Variants in CDKAL1 observed in about 807,000 individuals in gnomAD.
CDKAL1 encodes CDKAL1 threonylcarbamoyladenosine tRNA methylthiotransferase.
Under a neutral mutation model 68.2 loss-of-function variants are expected in CDKAL1, and 32 were observed. The observed-to-expected ratio is 0.47, with a 90% confidence interval of 0.35 to 0.63. The LOEUF is 0.63. CDKAL1 is among the 30% of genes least tolerant of loss of function. The pLI, the probability that CDKAL1 is intolerant of heterozygous loss-of-function variation, is 0.00. For missense variants in CDKAL1, 606 were observed against 696.7 expected (o/e 0.87, Z 1.47); for synonymous variants, 234 against 244.3 (o/e 0.96, Z 0.39).
chr6:21,201,671 T>A (rs1778696865), intron 15 of CDKAL1, among the ~76,000 whole-genome samples: 3 of 152,238 alleles, frequency 2.0e-5, no homozygotes, highest in Non-Finnish European at 4.4e-5. Context: ...AACCTACAGC[T>A]GAACAGGCAC....
chr6:20,842,691 C>T (rs1332185824), intron 8 of CDKAL1, among the ~76,000 whole-genome samples: 1 of 152,150 alleles, frequency 6.6e-6, no homozygotes, highest in East Asian at 1.9e-4. Context: ...ATTAGCCAGG[C>T]GTAGTGGCAG....
At chr6:21,136,529 A>G (rs1775606846) in intron 13 of CDKAL1, among the ~76,000 whole-genome samples, 1 of 152,244 alleles carries the variant, frequency 6.6e-6, no homozygotes. Flanking sequence ...GTTTAACTGA[A>G]GGTCATTTGA....
At chr6:20,665,895 G>T (rs1178168328) in intron 5 of CDKAL1, among the ~76,000 whole-genome samples, 1 of 152,048 alleles carries the variant, frequency 6.6e-6, no homozygotes, top group Non-Finnish European at 1.5e-5. Context: ...GCATAGATCT[G>T]TGTAGCGGAA....
At chr6:21,007,970 C>T (rs980946447) in intron 11 of CDKAL1, among the ~76,000 whole-genome samples, 1 of 152,178 alleles carries the variant, frequency 6.6e-6, no homozygotes, top group South Asian at 2.1e-4. Context: ...AAGAAATTTA[C>T]AATGTACACT....
rs574324468 is a variant in CDKAL1 at position 20,900,896 on chromosome 6, C to T, written c.743-54523C>T. Among the ~76,000 whole-genome samples the T allele has an allele frequency of 3.3e-4, 50 of 152,212 alleles. No homozygotes were observed. In the South Asian group the frequency reaches 8.3e-3, roughly 25 times the overall value. ...AAATTTGTGTCCTGAGAGTTAAATA[C>T]TAAAATGAAAAATCATTATCCTTTA... On this transcript the variant is annotated intron_variant, in intron 9 of 15. Transcript: ENST00000274695.
chr6:20,911,824 A>G (rs1043669889), intron 9 of CDKAL1, among the ~76,000 whole-genome samples: 2 of 152,218 alleles, frequency 1.3e-5, no homozygotes, highest in South Asian at 2.1e-4. Flanking sequence ...TGATATTTCT[A>G]TTCCAGCATT....
chr6:21,089,286 G>A (rs74481402), intron 12 of CDKAL1, among the ~76,000 whole-genome samples: 1 of 151,960 alleles, frequency 6.6e-6, no homozygotes, highest in Non-Finnish European at 1.5e-5. Context: ...GACCAGCCTG[G>A]GCAACATAGT....
In CDKAL1 at chr6:20,915,726, T is replaced by C. The variant is rs184376038; in HGVS notation, c.743-39693T>C. Among the ~76,000 whole-genome samples the C allele has an allele frequency of 2.6e-5, 4 of 152,292 alleles. No homozygotes were observed. The East Asian group carries it at 5.8e-4, about 22-fold the overall frequency. Reference sequence around the variant, plus strand: ...ATTTACACTAGAGAAATGAAAACTTTTGTTCACACAGAAATATATACATGA... The same window carrying C: ...ATTTACACTAGAGAAATGAAAACTTCTGTTCACACAGAAATATATACATGA... On this transcript the variant is annotated intron_variant, in intron 9 of 15. Transcript: ENST00000274695.
intron 11 of CDKAL1, among the ~76,000 whole-genome samples, chr6:21,028,424 C>T (rs1022929307): frequency 1.3e-5 from 2 of 152,162 alleles, no homozygotes; most frequent in African/African-American, 4.8e-5. Context: ...TTAGAGGCTG[C>T]AAGTCCCAGA....
At chr6:21,180,457 C>G (rs1777747105) in intron 13 of CDKAL1, among the ~76,000 whole-genome samples, 1 of 151,398 alleles carries the variant, frequency 6.6e-6, no homozygotes, top group African/African-American at 2.4e-5. Context: ...CAGCTATTTA[C>G]AGCTGCTAGT....
intron 5 of CDKAL1, among the ~76,000 whole-genome samples, chr6:20,652,859 A>G (rs993235518): frequency 6.6e-6 from 1 of 152,242 alleles, no homozygotes; most frequent in African/African-American, 2.4e-5. Context: ...CGTGTTTTCA[A>G]TCATAACTCC....
chr6:21,151,233 C>G (rs1436143777), intron 13 of CDKAL1, among the ~76,000 whole-genome samples: 1 of 152,148 alleles, frequency 6.6e-6, no homozygotes, highest in Non-Finnish European at 1.5e-5. Flanking sequence ...TGTCAGCTCC[C>G]TAGCTCTAGA....
chr6:21,226,775 C>T (rs539203772), intron 15 of CDKAL1, among the ~76,000 whole-genome samples: 35 of 152,216 alleles, frequency 2.3e-4, no homozygotes, highest in East Asian at 5.8e-4. Flanking sequence ...TGCAGTGGCG[C>T]GATCTCGGCT....
chr6:20,739,689 C>A, intron 6 of CDKAL1, 74 bp downstream of exon 6: 1 of 788,310 alleles, frequency 1.3e-6, no homozygotes, highest in Non-Finnish European at 2.1e-6. Flanking sequence ...ATTTTATTTT[C>A]TGTTTGTAGG....
chr6:20,614,429 T>G (rs1311124017), intron 4 of CDKAL1, among the ~76,000 whole-genome samples: 1 of 152,210 alleles, frequency 6.6e-6, no homozygotes, highest in Non-Finnish European at 1.5e-5. Context: ...TTCCCCTGGA[T>G]GACTAGCCAT....
At chr6:21,107,240 C>G (rs1322419019) in intron 12 of CDKAL1, among the ~76,000 whole-genome samples, 2 of 152,010 alleles carry the variant, frequency 1.3e-5, no homozygotes, top group Non-Finnish European at 2.9e-5. Context: ...AGCCACCGTG[C>G]CCGGCCAAAA....
rs553630852 is a variant in CDKAL1 at position 21,015,979 on chromosome 6, C to A, written c.1055+15607C>A. Reference sequence around the variant, plus strand: ...AAAAAAAAAAGAAAGAATCATGATACAATTCAGTTTTTGGAGAGTGTTTTT... The same window carrying A: ...AAAAAAAAAAGAAAGAATCATGATAAAATTCAGTTTTTGGAGAGTGTTTTT... On this transcript the variant is annotated intron_variant, in intron 11 of 15. Transcript: ENST00000274695. 8.6e-5 allele frequency among the ~76,000 whole-genome samples: 13 copies of A among 150,464 alleles called. No individual in the cohort carries two copies. The South Asian group carries it at 2.3e-3, about 27-fold the overall frequency.
At chr6:20,654,765 C>A (rs1431897327) in intron 5 of CDKAL1, among the ~76,000 whole-genome samples, 2 of 152,030 alleles carry the variant, frequency 1.3e-5, no homozygotes, top group African/African-American at 4.8e-5. Context: ...GTTGAGTGTC[C>A]ATAGATGTTT....
At chr6:21,206,353 C>T (rs1051253416) in intron 15 of CDKAL1, among the ~76,000 whole-genome samples, 1 of 152,152 alleles carries the variant, frequency 6.6e-6, no homozygotes, top group African/African-American at 2.4e-5. Flanking sequence ...CATTAGAGAT[C>T]TGTCTCTCTT....
Sources: gnomAD v4.1 joint callset for allele counts (sites outside exome capture counted in the v4.1 genomes callset) on GRCh38, gnomAD v4.1.1 for gene constraint, MANE v1.5 for transcripts, NCBI Gene and HGNC (gene_info 2026-07-23, HGNC 2026-07-21) for gene names.